Variants in GPHN observed in about 807,000 individuals in gnomAD.
GPHN encodes gephyrin.
GPHN carries 17 observed loss-of-function variants against 95.5 expected under a neutral mutation model. The ratio of observed to expected loss-of-function variants is 0.18; its 90% CI spans 0.12 to 0.27. The LOEUF is 0.27. GPHN is among the 10% of genes least tolerant of loss of function. The pLI is 1.00. For synonymous variants in GPHN, 320 were observed against 322.5 expected (o/e 0.99, Z 0.08); for missense variants, 660 against 978.1 (o/e 0.67, Z 4.34).
the GPHN span, among the ~76,000 whole-genome samples, chr14:67,661,171 C>T: frequency 8.5e-4 from 123 of 144,932 alleles, 5 homozygotes; most frequent in African/African-American, 2.9e-3. Flanking sequence ...ACTATTTCTG[C>T]GGAGTACTAG....
the GPHN span, among the ~76,000 whole-genome samples, chr14:67,728,525 G>A: frequency 6.6e-6 from 1 of 152,094 alleles, no homozygotes; most frequent in Admixed American, 6.6e-5. Flanking sequence ...ATAACCTTAG[G>A]CAATTTACTT....
chr14:67,330,846 G>T, the GPHN span, among the ~76,000 whole-genome samples: 1 of 152,168 alleles, frequency 6.6e-6, no homozygotes, highest in African/African-American at 2.4e-5. Context: ...GATTTTAACT[G>T]ATTTATAATT....
the GPHN span, among the ~76,000 whole-genome samples, chr14:67,255,759 C>CA: frequency 6.6e-6 from 1 of 152,210 alleles, no homozygotes; most frequent in Non-Finnish European, 1.5e-5. Flanking sequence ...GGGCTCACTG[C>CA]AACCTCTGCC....
intron 1 of GPHN, among the ~76,000 whole-genome samples, chr14:66,660,161 A>C (rs2065557245): frequency 6.6e-6 from 1 of 151,974 alleles, no homozygotes; most frequent in Non-Finnish European, 1.5e-5. Context: ...AGTGTAGGAA[A>C]CTTAAATTTA....
intron 1 of GPHN, among the ~76,000 whole-genome samples, chr14:66,623,363 A>C (rs2153321155): frequency 6.6e-6 from 1 of 152,270 alleles, no homozygotes; most frequent in Admixed American, 6.5e-5. Context: ...GGGTGGGGAC[A>C]CAGCCAAACC....
intron 8 of GPHN, among the ~76,000 whole-genome samples, chr14:66,938,414 C>A (rs1279774156): frequency 6.6e-6 from 1 of 152,134 alleles, no homozygotes; most frequent in Non-Finnish European, 1.5e-5. Flanking sequence ...CAATACTACT[C>A]CAAACAAATA....
chr14:66,918,149 C>T (rs2066007699), intron 6 of GPHN, among the ~76,000 whole-genome samples: 1 of 152,196 alleles, frequency 6.6e-6, no homozygotes, highest in South Asian at 2.1e-4. Context: ...GGATTAAAGT[C>T]AGCCAAGGGA....
At chr14:67,338,313 G>A in the GPHN span, 1 of 212,124 alleles carries the variant, frequency 4.7e-6, no homozygotes, top group African/African-American at 2.3e-5. Context: ...TGCTTCCTAA[G>A]AGGTATTTCC....
the GPHN span, chr14:67,359,586 C>T: frequency 6.4e-7 from 1 of 1,551,476 alleles, no homozygotes; most frequent in Admixed American, 1.7e-5. Flanking sequence ...CTCACTGTGG[C>T]CCAGGGTCTG....
chr14:66,985,778 A>G (rs1049566325), intron 9 of GPHN: 12 of 1,183,530 alleles, frequency 1.0e-5, no homozygotes, highest in South Asian at 9.2e-5. Context: ...GATTTCGTCT[A>G]TAGCCTACAC....
intron 5 of GPHN, among the ~76,000 whole-genome samples, chr14:66,904,210 A>G (rs1295362927): frequency 6.6e-6 from 1 of 152,064 alleles, no homozygotes; most frequent in African/African-American, 2.4e-5. Context: ...AGCAGCAGCA[A>G]GATTTATTGT....
At chr14:67,302,003 A>G in the GPHN span, 62 of 1,607,780 alleles carry the variant, frequency 3.9e-5, no homozygotes, top group African/African-American at 7.4e-4. Flanking sequence ...AAGGTTGCTG[A>G]GCAGGAAATG....
chr14:67,623,345 A>T, the GPHN span, among the ~76,000 whole-genome samples: 12 of 152,086 alleles, frequency 7.9e-5, no homozygotes, highest in African/African-American at 2.9e-4. Context: ...CAAAGGAGAG[A>T]CTCATGGAAA....
At chr14:67,097,510 CCT>C (rs2077459334) in intron 12 of GPHN, among the ~76,000 whole-genome samples, 1 of 151,468 alleles carries the variant, frequency 6.6e-6, no homozygotes, top group Non-Finnish European at 1.5e-5. Flanking sequence ...CCTCTCTCTC[CCT>C]CTCCTTCTTT....
At chr14:67,246,114 T>A in the GPHN span, among the ~76,000 whole-genome samples, 1 of 151,682 alleles carries the variant, frequency 6.6e-6, no homozygotes, top group East Asian at 1.9e-4. Context: ...TCTATCCTTT[T>A]TATTTTTTAT....
intron 18 of GPHN, among the ~76,000 whole-genome samples, chr14:67,148,979 A>G (rs1163374193): frequency 3.9e-5 from 6 of 152,172 alleles, no homozygotes; most frequent in Non-Finnish European, 7.3e-5. Flanking sequence ...TGAGTGAATC[A>G]GATATGAGAA....
At chr14:67,509,975 A>T in the GPHN span, among the ~76,000 whole-genome samples, 1 of 152,186 alleles carries the variant, frequency 6.6e-6, no homozygotes, top group African/African-American at 2.4e-5. Flanking sequence ...GTGCCACTGC[A>T]CTAAAGCCTG....
the GPHN span, among the ~76,000 whole-genome samples, chr14:67,611,948 G>A: frequency 6.6e-6 from 1 of 152,208 alleles, no homozygotes; most frequent in African/African-American, 2.4e-5. Context: ...ATCCATGGGT[G>A]ATGGGAGACA....
the GPHN span, among the ~76,000 whole-genome samples, chr14:67,711,126 T>C: frequency 6.6e-6 from 1 of 152,238 alleles, no homozygotes; most frequent in Non-Finnish European, 1.5e-5. Flanking sequence ...TTACTTCCTG[T>C]GGACTAGACC....
Sources: gnomAD v4.1 joint callset for allele counts (sites outside exome capture counted in the v4.1 genomes callset) on GRCh38, gnomAD v4.1.1 for gene constraint, MANE v1.5 for transcripts, NCBI Gene and HGNC (gene_info 2026-07-23, HGNC 2026-07-21) for gene names.